The following PHF21A variants were observed in gnomAD, a reference collection of about 807,000 sequenced individuals.
PHF21A encodes BHC80a.
In PHF21A, 11 loss-of-function variants were observed where a neutral mutation model predicts 82.5. The ratio of observed to expected loss-of-function variants is 0.13; its 90% CI spans 0.08 to 0.22. The LOEUF (loss-of-function observed/expected upper bound fraction) is 0.22. Among genes scored for constraint, PHF21A ranks in the 10% least tolerant of loss-of-function variants. The pLI is 1.00. For synonymous variants in PHF21A, 297 were observed against 302.8 expected, an observed-to-expected ratio of 0.98 and a Z score of 0.20; for missense variants, 579 against 837.8, an observed-to-expected ratio of 0.69 and a Z score of 3.81.
intron 6 of PHF21A, among the ~76,000 whole-genome samples, chr11:45,986,717 G>A (rs1216668920): frequency 6.6e-6 from 1 of 151,870 alleles, no homozygotes; most frequent in African/African-American, 2.4e-5. Flanking sequence ...AACTGTCAGG[G>A]GCAATGTGAA....
At chr11:46,018,752 T>C (rs894383770) in intron 6 of PHF21A, among the ~76,000 whole-genome samples, 4 of 152,070 alleles carry the variant, frequency 2.6e-5, no homozygotes, top group East Asian at 1.9e-4. Flanking sequence ...TAGCAATTGA[T>C]AGTTGTAGAA....
At chr11:46,043,013 T>C (rs940142236) in intron 6 of PHF21A, among the ~76,000 whole-genome samples, 7 of 152,128 alleles carry the variant, frequency 4.6e-5, no homozygotes, top group African/African-American at 1.7e-4. Flanking sequence ...CCATCTAGAA[T>C]TCCTATTATT....
At chr11:45,990,023 G>T (rs957470508) in intron 6 of PHF21A, among the ~76,000 whole-genome samples, 2 of 151,928 alleles carry the variant, frequency 1.3e-5, no homozygotes, top group Non-Finnish European at 2.9e-5. Context: ...AAAAGAAAGA[G>T]AATTTTTTAA....
chr11:46,058,681 A>G (rs1418374307), intron 6 of PHF21A, among the ~76,000 whole-genome samples: 1 of 152,202 alleles, frequency 6.6e-6, no homozygotes, highest in Non-Finnish European at 1.5e-5. Context: ...CTATCTGCCT[A>G]CCTCAGAACT....
chr11:46,025,449 G>A (rs765530893), intron 6 of PHF21A, among the ~76,000 whole-genome samples: 7 of 152,062 alleles, frequency 4.6e-5, no homozygotes, highest in African/African-American at 7.2e-5. Flanking sequence ...CATGATAATC[G>A]ATTAGGTTAG....
At chr11:45,943,121 CTTTTTT>C (rs3061870) in intron 15 of PHF21A, among the ~76,000 whole-genome samples, 224 of 112,120 alleles carry the variant, frequency 2.0e-3, no homozygotes, top group African/African-American at 7.1e-3. Context: ...TCTTTCTTTC[CTTTTTT>C]TTTTTTTTTT....
At chr11:46,011,353 G>T (rs2095410166) in intron 6 of PHF21A, among the ~76,000 whole-genome samples, 1 of 152,138 alleles carries the variant, frequency 6.6e-6, no homozygotes, top group Non-Finnish European at 1.5e-5. Context: ...GCTGGGTGTG[G>T]TGGTGCATGC....
At chr11:46,068,388 T>C (rs544082401) in intron 6 of PHF21A, among the ~76,000 whole-genome samples, 22 of 152,312 alleles carry the variant, frequency 1.4e-4, no homozygotes, top group Non-Finnish European at 2.6e-4. Flanking sequence ...ATATATATAA[T>C]ATATGCACAT....
intron 1 of PHF21A, among the ~76,000 whole-genome samples, chr11:46,105,313 G>T (rs2097141428): frequency 6.6e-6 from 1 of 152,142 alleles, no homozygotes; most frequent in Non-Finnish European, 1.5e-5. Flanking sequence ...TAAATTGTAA[G>T]CTTCACTGAG....
chr11:46,034,814 G>A (rs2095957115), intron 6 of PHF21A, among the ~76,000 whole-genome samples: 1 of 152,142 alleles, frequency 6.6e-6, no homozygotes. Context: ...TATAGTGATT[G>A]GTCTGAGCCC....
At chr11:45,979,185 T>A (rs1027243409) in intron 7 of PHF21A, among the ~76,000 whole-genome samples, 22 of 151,966 alleles carry the variant, frequency 1.4e-4, no homozygotes, top group African/African-American at 5.3e-4. Context: ...CCTGGCTAAT[T>A]TTTTTGTATT....
At chr11:45,995,613 C>T (rs2094881103) in intron 6 of PHF21A, among the ~76,000 whole-genome samples, 1 of 152,166 alleles carries the variant, frequency 6.6e-6, no homozygotes. Flanking sequence ...TGAGAGCTCC[C>T]CTGTGCTTTC....
At position 45,986,594 on chromosome 11, in the gene PHF21A, GA is replaced by G. The variant is rs537209602; in HGVS notation, c.154-6629del. 4.1e-3 allele frequency among the ~76,000 whole-genome samples: 623 copies of G among 152,286 alleles called. 4 individuals carry two copies. Among genetic ancestry groups the G allele is most frequent in the Non-Finnish European group, 6.1e-3 (418 of 68,020 alleles). ...GTGTGATAAAAGACCTAAAAGTCCA[GA>G]TGGCTTACATTCAAGTTTTCTACAT... On this transcript the variant is annotated intron_variant, in intron 6 of 18. Coordinates refer to ENST00000676320, the MANE Select transcript of PHF21A (RefSeq NM_001352027.3).
intron 1 of PHF21A, among the ~76,000 whole-genome samples, chr11:46,114,237 T>C (rs536310819): frequency 1.3e-5 from 2 of 152,280 alleles, no homozygotes; most frequent in South Asian, 4.1e-4. Flanking sequence ...CAGTAACACG[T>C]CCAAACACAA....
intron 6 of PHF21A, among the ~76,000 whole-genome samples, chr11:46,032,804 G>A (rs2095893967): frequency 6.6e-6 from 1 of 152,084 alleles, no homozygotes; most frequent in Non-Finnish European, 1.5e-5. Flanking sequence ...TAATGAAACT[G>A]AGCATCGCTT....
chr11:46,041,066 A>G, intron 6 of PHF21A, among the ~76,000 whole-genome samples: 1 of 152,112 alleles, frequency 6.6e-6, no homozygotes, highest in South Asian at 2.1e-4. Flanking sequence ...TTCATGGTGA[A>G]TATAATAAGG....
chr11:45,972,990 A>G (rs1203344647), intron 7 of PHF21A, among the ~76,000 whole-genome samples: 3 of 152,188 alleles, frequency 2.0e-5, no homozygotes, highest in Non-Finnish European at 2.9e-5. Context: ...AGGCAGGGGA[A>G]TCACTTGAAC....
In PHF21A at chr11:46,014,770, G is replaced by A. The variant is rs2095480722; in HGVS notation, c.154-34804C>T. ...CCGAGGCGGGCGGATCACGAGGTCAGGAGATCGAGACCATCCCGGCTAAAA... is the reference window on the plus strand; with the variant it reads ...CCGAGGCGGGCGGATCACGAGGTCAAGAGATCGAGACCATCCCGGCTAAAA... On this transcript the variant is annotated intron_variant, in intron 6 of 18. Transcript: ENST00000676320. Among the ~76,000 whole-genome samples, 2 of 50,794 alleles carry A rather than the reference G, an allele frequency of 3.9e-5. 1 individual carries two copies. Among genetic ancestry groups the A allele is most frequent in the Admixed American group, 4.0e-4 (2 of 5,004 alleles). 33.3% of individuals were successfully genotyped at this position (50,794 alleles called of 152,430 possible).
chr11:45,957,521 C>T (rs1341624315), intron 10 of PHF21A, among the ~76,000 whole-genome samples: 1 of 151,952 alleles, frequency 6.6e-6, no homozygotes, highest in African/African-American at 2.4e-5. Flanking sequence ...TTAAACAACA[C>T]ATTCTTAAAC....
Sources: allele counts gnomAD v4.1 joint callset (sites outside exome capture counted in the v4.1 genomes callset), GRCh38; gene constraint gnomAD v4.1.1; transcripts MANE v1.5; gene names NCBI Gene and HGNC (gene_info 2026-07-23, HGNC 2026-07-21).